PCDHA3: variants seen among roughly 807,000 people sequenced by gnomAD.
PCDHA3 encodes the protein protocadherin alpha 3.
PCDHA3 carries 41 observed loss-of-function variants against 62.2 expected under a neutral mutation model. That is an observed-to-expected ratio of 0.66 (90% confidence interval 0.51 to 0.86). The LOEUF (loss-of-function observed/expected upper bound fraction) is 0.86, where lower values mean the gene tolerates loss of function less well. Ranked by LOEUF, PCDHA3 falls within the 40% of genes least tolerant of loss-of-function variation. The pLI is 0.00. For missense variants in PCDHA3, 1,304 were observed against 1,241.2 expected (o/e 1.05, Z -0.76); for synonymous variants, 640 against 555.4 (o/e 1.15, Z -2.14).
chr5:140,883,768 C>T, intron 1 of PCDHA3: 1 of 1,612,160 alleles, frequency 6.2e-7, no homozygotes, highest in Non-Finnish European at 8.5e-7. Flanking sequence ...GGCGGGTGGG[C>T]GAGCGTGCGC....
intron 2 of PCDHA3, among the ~76,000 whole-genome samples, chr5:140,980,905 A>G (rs182283088): frequency 1.5e-4 from 23 of 152,274 alleles, no homozygotes; most frequent in Admixed American, 1.4e-3. Context: ...ACATCATGTA[A>G]CTATTCTTTA....
intron 1 of PCDHA3, chr5:140,969,627 G>A: frequency 1.5e-6 from 1 of 664,866 alleles, no homozygotes; most frequent in Non-Finnish European, 2.5e-6. Flanking sequence ...AGAGAAACAG[G>A]ACAGGCCTTG....
chr5:140,827,166 C>T (rs1377464417), intron 1 of PCDHA3, among the ~76,000 whole-genome samples: 2 of 151,954 alleles, frequency 1.3e-5, no homozygotes, highest in Non-Finnish European at 2.9e-5. Context: ...TTTGTAAATA[C>T]CTCAATAAAA....
rs1554135559 is a variant in PCDHA3 at position 140,836,032 on chromosome 5, C to T, written c.2394+32441C>T. 7.4e-6 allele frequency: 12 copies of T among 1,613,412 alleles called. No individual in the cohort carries two copies. The East Asian group carries it at 2.7e-4, about 36-fold the overall frequency. ...GTGCCGCCTCTGGGCAGCAACGTGA[C>T]GCTGCAGGTGTTCGTGCTGGACGAG... On this transcript the variant is annotated intron_variant, in intron 1 of 3. Coordinates refer to ENST00000522353, the MANE Select transcript of PCDHA3 (RefSeq NM_018906.3).
chr5:140,892,233 C>G (rs1199614913), intron 1 of PCDHA3, among the ~76,000 whole-genome samples: 1 of 152,082 alleles, frequency 6.6e-6, no homozygotes, highest in Non-Finnish European at 1.5e-5. Context: ...TGTTTTGTCT[C>G]CACATAAACC....
At chr5:140,834,520 GC>G in intron 1 of PCDHA3, 1 of 1,614,066 alleles carries the variant, frequency 6.2e-7, no homozygotes, top group Non-Finnish European at 8.5e-7. Flanking sequence ...AACTTCGTGG[GC>G]CGCATCGCGC....
intron 1 of PCDHA3, chr5:140,870,529 G>C: frequency 6.2e-7 from 1 of 1,614,214 alleles, no homozygotes. Flanking sequence ...CATCTTCACA[G>C]TGTCGGCGCG....
In PCDHA3 at chr5:140,876,419, A is replaced by G. The variant is rs2056334313; in HGVS notation, c.2394+72828A>G. On this transcript the variant is annotated intron_variant, in intron 1 of 3. Coordinates refer to ENST00000522353, the MANE Select transcript of PCDHA3 (RefSeq NM_018906.3). Reference sequence around the variant, plus strand: ...CTGGATTTTGAAGAGAATAATGCCTATGAAATTCAGGTTAACGCCATTGAT... The same window carrying G: ...CTGGATTTTGAAGAGAATAATGCCTGTGAAATTCAGGTTAACGCCATTGAT... 2.5e-6 allele frequency: 4 copies of G among 1,613,984 alleles called. No homozygotes were observed. In the East Asian group the frequency reaches 6.7e-5, roughly 27 times the overall value.
At chr5:140,920,930 T>C (rs1286502333) in intron 1 of PCDHA3, among the ~76,000 whole-genome samples, 1 of 151,962 alleles carries the variant, frequency 6.6e-6, no homozygotes, top group Non-Finnish European at 1.5e-5. Flanking sequence ...GTAGGTGATC[T>C]AGCCCTTTCA....
At chr5:140,836,310 C>T in intron 1 of PCDHA3, 1 of 1,613,714 alleles carries the variant, frequency 6.2e-7, no homozygotes. Context: ...GACGGACGCA[C>T]CGCGCCACCG....
chr5:140,935,353 T>C (rs2090328143), intron 1 of PCDHA3, among the ~76,000 whole-genome samples: 1 of 152,184 alleles, frequency 6.6e-6, no homozygotes, highest in Non-Finnish European at 1.5e-5. Flanking sequence ...CAAATCCCAG[T>C]TTTCATTAAC....
chr5:140,806,705 A>G (rs1196570582), intron 1 of PCDHA3, among the ~76,000 whole-genome samples: 1 of 152,234 alleles, frequency 6.6e-6, no homozygotes, highest in African/African-American at 2.4e-5. Context: ...ATCTGTAATG[A>G]ATTTTTCTAA....
chr5:140,807,304 C>T, intron 1 of PCDHA3: 1 of 1,614,150 alleles, frequency 6.2e-7, no homozygotes, highest in Non-Finnish European at 8.5e-7. Flanking sequence ...CCGAGGAGGC[C>T]AAACACGGCA....
intron 1 of PCDHA3, chr5:140,883,738 C>T (rs149972776): frequency 2.5e-5 from 41 of 1,613,276 alleles, no homozygotes; most frequent in Non-Finnish European, 3.3e-5. Flanking sequence ...ACGCGCTGGT[C>T]TCCTACTCGC....
In PCDHA3 at chr5:140,801,319, A is replaced by G; in HGVS notation, c.122A>G (p.His41Arg). 1.2e-6 allele frequency: 2 copies of G among 1,613,348 alleles called. No homozygotes were observed. Among genetic ancestry groups the G allele is most frequent in the Non-Finnish European group, 1.7e-6 (2 of 1,179,924 alleles). Reference protein sequence around the residue: ...LHYSVSEEAKHGTFVGRIAQD... With the variant: ...LHYSVSEEAKRGTFVGRIAQD... ...TACTCCGTCTCTGAGGAGGCCAAGC[A>G]TGGCACCTTCGTGGGCCGCATCGCG... The change falls in exon 1 of 4, where the codon CAT (histidine) becomes CGT (arginine). Residue 41 changes from histidine to arginine, a missense_variant. Physicochemically the swap from His to Arg is conservative, Grantham distance 29 (BLOSUM62 0). Transcript: ENST00000522353.
At position 140,978,795 on chromosome 5, in the gene PCDHA3, G is replaced by A. The variant is rs1437973642; in HGVS notation, c.2395-154G>A. 3 of 979,120 alleles carry A rather than the reference G, an allele frequency of 3.1e-6. No individual in the cohort carries two copies. The African/African-American group carries it at 5.3e-5, about 17-fold the overall frequency. The allele number at this position is 979,120 out of a possible 1,614,324, so 60.7% of individuals were successfully genotyped here. On this transcript the variant is annotated intron_variant, in intron 1 of 3. Coordinates refer to ENST00000522353, the MANE Select transcript of PCDHA3 (RefSeq NM_018906.3). ...AATTTTCTTCTAAAGTGCTATATAT[G>A]TAGATATCATCATAGAGTTACACAT...
intron 1 of PCDHA3, among the ~76,000 whole-genome samples, chr5:140,911,118 G>A (rs11955654): frequency 0.019 from 2,929 of 152,274 alleles, 39 homozygotes; most frequent in East Asian, 0.055. Flanking sequence ...AGCCATCACT[G>A]TTGCCTCAGG....
intron 1 of PCDHA3, chr5:140,821,814 C>A (rs139136006): frequency 5.7e-5 from 92 of 1,613,758 alleles, no homozygotes; most frequent in Non-Finnish European, 7.6e-5. Flanking sequence ...GATCCCGGCT[C>A]CTGCTGCTCT....
At chr5:140,870,900 C>T in intron 1 of PCDHA3, 1 of 1,613,956 alleles carries the variant, frequency 6.2e-7, no homozygotes, top group Non-Finnish European at 8.5e-7. Flanking sequence ...TGGATGCGGA[C>T]TCAGGCTACA....
Sources: gnomAD v4.1 joint callset for allele counts (sites outside exome capture counted in the v4.1 genomes callset) on GRCh38, gnomAD v4.1.1 for gene constraint, MANE v1.5 for transcripts, NCBI Gene and HGNC (gene_info 2026-07-23, HGNC 2026-07-21) for gene names.